MAP3K5: variants seen among roughly 807,000 people sequenced by gnomAD.
The protein encoded by MAP3K5 is mitogen-activated protein kinase kinase kinase 5.
In MAP3K5, 56 loss-of-function variants were observed where a neutral mutation model predicts 158.7. That is an observed-to-expected ratio of 0.35 (90% CI 0.28 to 0.44). The LOEUF (loss-of-function observed/expected upper bound fraction) is 0.44, where lower values mean the gene tolerates loss of function less well. Ranked by LOEUF, MAP3K5 falls within the 20% of genes least tolerant of loss-of-function variation. The pLI is 1.00. For missense variants in MAP3K5, 1,294 were observed against 1,674.8 expected (o/e 0.77, Z 3.97); for synonymous variants, 579 against 601.7 (o/e 0.96, Z 0.55).
At chr6:136,760,583 C>G (rs1003621931) in intron 1 of MAP3K5, among the ~76,000 whole-genome samples, 3 of 152,162 alleles carry the variant, frequency 2.0e-5, no homozygotes, top group African/African-American at 7.2e-5. Flanking sequence ...TTGAAATCCT[C>G]ACCCCCCAAG....
At chr6:136,596,959 G>A (rs1016402137) in intron 21 of MAP3K5, among the ~76,000 whole-genome samples, 9 of 152,198 alleles carry the variant, frequency 5.9e-5, no homozygotes, top group Non-Finnish European at 1.3e-4. Flanking sequence ...ACACGTGAGT[G>A]ATTGGGACCC....
intron 1 of MAP3K5, 137 bp from the exon 2 acceptor site, chr6:136,720,726 G>A (rs1781714275): frequency 3.0e-6 from 2 of 660,486 alleles, no homozygotes; most frequent in Non-Finnish European, 2.5e-6. Flanking sequence ...ATTTATCACT[G>A]AATTTTGAAT....
chr6:136,603,342 T>C (rs889706332), intron 19 of MAP3K5, among the ~76,000 whole-genome samples: 1 of 149,772 alleles, frequency 6.7e-6, no homozygotes, highest in African/African-American at 2.4e-5. Flanking sequence ...CCCCCTAATT[T>C]TTTTTTTTTT....
intron 12 of MAP3K5, among the ~76,000 whole-genome samples, chr6:136,641,605 C>A (rs564202774): frequency 6.6e-6 from 1 of 151,484 alleles, no homozygotes; most frequent in Admixed American, 6.6e-5. Context: ...TGAAGTTCAC[C>A]ACTGTAATCT....
chr6:136,568,327 C>T (rs549238630), intron 25 of MAP3K5, among the ~76,000 whole-genome samples: 23 of 152,162 alleles, frequency 1.5e-4, no homozygotes, highest in Non-Finnish European at 2.5e-4. Context: ...TATAAACACA[C>T]GTGAATATGC....
intron 23 of MAP3K5, among the ~76,000 whole-genome samples, chr6:136,588,355 T>C (rs1217108877): frequency 6.6e-6 from 1 of 152,204 alleles, no homozygotes; most frequent in Non-Finnish European, 1.5e-5. Flanking sequence ...CCTCTGTGCC[T>C]GTTTCCTCAT....
Position 136,656,394 on chromosome 6 carries a change from C to G in MAP3K5, c.1593G>C (p.Gln531His), listed in dbSNP as rs145520401. 4.6e-4 allele frequency: 745 copies of G among 1,611,844 alleles called. 7 individuals carry two copies. The highest frequency in any genetic ancestry group is 1.6e-4 in the Middle Eastern group (1 of 6,074). Residue 531 changes from glutamine (Q) to histidine (H), a missense_variant, in exon 10 of 30, where the codon CAG becomes CAC. Gln to His is a conservative substitution (Grantham distance 24). This residue lies in a region of MAP3K5 where 690 missense variants were observed against 870.5 expected (regional missense o/e 0.79). Coordinates refer to ENST00000359015, the MANE Select transcript of MAP3K5 (RefSeq NM_005923.4). Reference sequence around the variant, plus strand: ...CCACAAGTTCTTGCTTGGCCACAGGCTGTTCTGTGGTCAGTTTCACAAAAT... The same window carrying G: ...CCACAAGTTCTTGCTTGGCCACAGGGTGTTCTGTGGTCAGTTTCACAAAAT... ...YKHFVKLTTE[Q>H]PVAKQELVDF... is the part of the protein sequence containing the mutation.
chr6:136,752,214 C>G (rs1783242912), intron 1 of MAP3K5, among the ~76,000 whole-genome samples: 1 of 152,152 alleles, frequency 6.6e-6, no homozygotes, highest in Non-Finnish European at 1.5e-5. Context: ...AAGTCATAGT[C>G]CCTGTTCTTA....
chr6:136,697,903 C>T (rs1317192769), intron 4 of MAP3K5, among the ~76,000 whole-genome samples: 1 of 152,090 alleles, frequency 6.6e-6, no homozygotes, highest in African/African-American at 2.4e-5. Flanking sequence ...CACCACCACA[C>T]CTGGCTAATT....
intron 21 of MAP3K5, among the ~76,000 whole-genome samples, chr6:136,596,584 T>C (rs1406718857): frequency 6.6e-6 from 1 of 152,084 alleles, no homozygotes; most frequent in South Asian, 2.1e-4. Flanking sequence ...CATGTGTATA[T>C]GGAACTCACT....
At chr6:136,616,795 T>G (rs1776586092) in intron 15 of MAP3K5, among the ~76,000 whole-genome samples, 1 of 151,818 alleles carries the variant, frequency 6.6e-6, no homozygotes, top group South Asian at 2.1e-4. Flanking sequence ...GTGGCACGAT[T>G]ACAGCTCACT....
Position 136,597,023 on chromosome 6 carries a change from CTGA to C in MAP3K5, c.2878+3996_2878+3998del, listed in dbSNP as rs71986043. On this transcript the variant is annotated intron_variant, in intron 21 of 29. Transcript: ENST00000359015. ...TTTCCAGTCACAGGCAGCCTTACTG[CTGA>C]TATCTTGCCAGGTATTAAGAAGCCC... is the stretch of plus-strand genomic sequence containing the variant. Among the ~76,000 whole-genome samples the C allele has an allele frequency of 7.4e-3, 1,126 of 152,284 alleles. 22 individuals carry two copies. In the East Asian group the frequency reaches 0.081, roughly 11 times the overall value.
chr6:136,632,169 G>A (rs79593618), intron 14 of MAP3K5, among the ~76,000 whole-genome samples: 1 of 152,146 alleles, frequency 6.6e-6, no homozygotes, highest in Non-Finnish European at 1.5e-5. Context: ...GAAAGGAAAG[G>A]GGAAGCTACA....
intron 7 of MAP3K5, among the ~76,000 whole-genome samples, chr6:136,681,003 G>A (rs1314245003): frequency 1.3e-5 from 2 of 152,150 alleles, no homozygotes; most frequent in African/African-American, 4.8e-5. Flanking sequence ...TTCATGCAAG[G>A]GGAATAGTCA....
At chr6:136,656,542 TG>T in intron 9 of MAP3K5, 82 bp from the exon 10 acceptor site, 1 of 830,730 alleles carries the variant, frequency 1.2e-6, no homozygotes, top group Non-Finnish European at 1.9e-6. Flanking sequence ...ATTCTGTAAA[TG>T]TAATTTATAC....
intron 12 of MAP3K5, 58 bp downstream of exon 12, chr6:136,642,462 C>A: frequency 8.8e-7 from 1 of 1,129,994 alleles, no homozygotes; most frequent in South Asian, 1.3e-5. Flanking sequence ...TCTATCCAGC[C>A]CATGAATAGT....
chr6:136,596,935 G>A (rs773632250), intron 21 of MAP3K5, among the ~76,000 whole-genome samples: 16 of 152,138 alleles, frequency 1.1e-4, no homozygotes, highest in Middle Eastern at 3.2e-3. Context: ...CAAGTTCCTC[G>A]AACATAAGCT....
At chr6:136,732,988 C>T (rs1258599963) in intron 1 of MAP3K5, among the ~76,000 whole-genome samples, 4 of 152,116 alleles carry the variant, frequency 2.6e-5, no homozygotes, top group Admixed American at 6.5e-5. Context: ...AAAAAATCCA[C>T]TTTCAAGCAC....
intron 1 of MAP3K5, among the ~76,000 whole-genome samples, chr6:136,783,141 A>G (rs1273523150): frequency 6.6e-6 from 1 of 152,222 alleles, no homozygotes; most frequent in South Asian, 2.1e-4. Flanking sequence ...CCATCTCTAC[A>G]TAAAAATACA....
Sources: gnomAD v4.1 joint callset for allele counts (sites outside exome capture counted in the v4.1 genomes callset) on GRCh38, gnomAD v4.1.1 for gene constraint, gnomAD v4.1.1 regional missense constraint, MANE v1.5 for transcripts, NCBI Gene and HGNC (gene_info 2026-07-23, HGNC 2026-07-21) for gene names.